Variants in SLC20A2 observed in about 807,000 individuals in gnomAD.
SLC20A2 encodes the protein sodium-dependent phosphate transporter 2.
Under a neutral mutation model 61.0 loss-of-function variants are expected in SLC20A2, and 30 were observed. The observed-to-expected ratio is 0.49, with a 90% CI of 0.37 to 0.67. The LOEUF (loss-of-function observed/expected upper bound fraction) is 0.67. SLC20A2 is among the 30% of genes least tolerant of loss of function. SLC20A2 has a pLI of 0.00. For synonymous variants in SLC20A2, 351 were observed against 353.3 expected, an observed-to-expected ratio of 0.99 and a Z score of 0.07; for missense variants, 626 against 866.4, an observed-to-expected ratio of 0.72 and a Z score of 3.48.
In SLC20A2 at chr8:42,483,048, TAAAG is replaced by T. The variant is rs374167447; in HGVS notation, c.-264-10398_-264-10395del. On this transcript the variant is annotated intron_variant, in intron 1 of 10. Coordinates refer to ENST00000520262, the MANE Select transcript of SLC20A2 (RefSeq NM_001257180.2). Reference sequence around the variant, plus strand: ...GCAACAAGAGCAAAACTCAGTCTCTTAAAGAAAAACAACTGGGCTGGGCACAGTG... The same window carrying T: ...GCAACAAGAGCAAAACTCAGTCTCTTAAAAACAACTGGGCTGGGCACAGTG... 1.3e-4 allele frequency among the ~76,000 whole-genome samples: 17 copies of T among 128,616 alleles called. 1 individual carries two copies. The highest frequency in any genetic ancestry group is 5.1e-4 in the African/African-American group (17 of 33,246). 84.4% of individuals were successfully genotyped at this position (128,616 alleles called of 152,430 possible). A position where few individuals can be genotyped will look rare whatever the true frequency, so the allele number is the denominator to read the frequency against.
At chr8:42,466,739 G>A (rs973795498) in intron 2 of SLC20A2, among the ~76,000 whole-genome samples, 2 of 152,036 alleles carry the variant, frequency 1.3e-5, no homozygotes, top group Non-Finnish European at 2.9e-5. Context: ...CAAAATCATG[G>A]CTCACTGCAG....
intron 1 of SLC20A2, among the ~76,000 whole-genome samples, chr8:42,515,747 C>A (rs530762858): frequency 6.6e-6 from 1 of 152,236 alleles, no homozygotes; most frequent in East Asian, 1.9e-4. Flanking sequence ...TGTCTTAGAA[C>A]AGGGGTCTAA....
chr8:42,478,084 C>T (rs1378390875), intron 1 of SLC20A2, among the ~76,000 whole-genome samples: 4 of 151,944 alleles, frequency 2.6e-5, no homozygotes, highest in Non-Finnish European at 4.4e-5. Context: ...CACGGTTTCA[C>T]TATGTTGGCC....
intron 1 of SLC20A2, among the ~76,000 whole-genome samples, chr8:42,517,364 G>T: frequency 1.9e-5 from 2 of 107,720 alleles, no homozygotes; most frequent in Non-Finnish European, 3.9e-5. Flanking sequence ...GTGAGATCCT[G>T]TCTCAAAAAA....
At chr8:42,438,085 A>AAAAAAAAAC (rs1401813867) in intron 7 of SLC20A2, among the ~76,000 whole-genome samples, 2 of 149,244 alleles carry the variant, frequency 1.3e-5, no homozygotes, top group Non-Finnish European at 3.0e-5. Context: ...AAAAAAAAAA[A>AAAAAAAAAC]AAAACATGGA....
Position 42,476,863 on chromosome 8 carries a change from C to T in SLC20A2, c.-264-4209G>A, listed in dbSNP as rs148298453. Among the ~76,000 whole-genome samples, 125 of 152,336 alleles carry T rather than the reference C, an allele frequency of 8.2e-4. 1 individual carries two copies. The highest frequency in any genetic ancestry group is 1.4e-3 in the Non-Finnish European group (97 of 68,032). ...GGGCAACGAGCACAAGACCTGCAGT[C>T]GGGGACTCTAGGTCCATTCCCGTCC... is the stretch of plus-strand genomic sequence containing the variant. On this transcript the variant is annotated intron_variant, in intron 1 of 10. Coordinates refer to ENST00000520262, the MANE Select transcript of SLC20A2 (RefSeq NM_001257180.2).
intron 1 of SLC20A2, among the ~76,000 whole-genome samples, chr8:42,528,535 T>C (rs1471912289): frequency 6.6e-6 from 1 of 152,128 alleles, no homozygotes; most frequent in Non-Finnish European, 1.5e-5. Flanking sequence ...GGGGAAATAT[T>C]TGAAAAGGCA....
At chr8:42,485,961 G>C (rs1039139287) in intron 1 of SLC20A2, among the ~76,000 whole-genome samples, 8 of 142,690 alleles carry the variant, frequency 5.6e-5, no homozygotes, top group Non-Finnish European at 1.1e-4. Context: ...AAAAAAAAAA[G>C]AAAACTTGGG....
At chr8:42,496,762 C>T (rs1261097176) in intron 1 of SLC20A2, among the ~76,000 whole-genome samples, 1 of 152,186 alleles carries the variant, frequency 6.6e-6, no homozygotes, top group African/African-American at 2.4e-5. Flanking sequence ...TATGTTGCTT[C>T]CTGCTCCTAG....
intron 7 of SLC20A2, among the ~76,000 whole-genome samples, chr8:42,438,920 T>C (rs1440263825): frequency 1.3e-5 from 2 of 152,194 alleles, no homozygotes; most frequent in Admixed American, 1.3e-4. Context: ...TTTCACCATG[T>C]TGGTCAGGCT....
intron 5 of SLC20A2, among the ~76,000 whole-genome samples, chr8:42,452,847 C>T (rs117534922): frequency 2.0e-5 from 3 of 152,034 alleles, no homozygotes; most frequent in Admixed American, 6.6e-5. Context: ...CTGGTGGAAA[C>T]GAGTGAGCAA....
rs1457478379 is a variant in SLC20A2, at chr8:42,437,626, T to C, written c.935-49A>G. On this transcript the variant is annotated intron_variant, in intron 7 of 10. Coordinates refer to ENST00000520262, the MANE Select transcript of SLC20A2 (RefSeq NM_001257180.2). This position sits in a 1 kb window ranked among gnomAD's most constrained non-coding sequence, Gnocchi z 6.4. ...CATTTTCCAGTCTTTTTTTTTTTTT[T>C]CTTTTCTTTTTGAGACGGAGCCTTG... 2.2e-6 allele frequency: 3 copies of C among 1,385,568 alleles called. No individual in the cohort carries two copies. The highest frequency in any genetic ancestry group is 2.9e-6 in the Non-Finnish European group (3 of 1,029,800). The allele number at this position is 1,385,568 out of a possible 1,614,324, so 85.8% of individuals were successfully genotyped here.
At position 42,472,441 on chromosome 8, in the gene SLC20A2, A is replaced by C; in HGVS notation, c.-51T>G. The C allele has an allele frequency of 1.3e-6, 2 of 1,556,716 alleles. No individual in the cohort carries two copies. Among genetic ancestry groups the C allele is most frequent in the Non-Finnish European group, 8.8e-7 (1 of 1,141,138 alleles). On this transcript the variant is annotated 5_prime_UTR_variant, in exon 2 of 11. Transcript: ENST00000520262. The surrounding 1 kb of genome is among the most constrained non-coding windows in gnomAD (Gnocchi z 4.1). Reference sequence around the variant, plus strand: ...TTCTTTTGCAGGAATATTTTAAATAAACAAAGCTTGAGGTTATAAACTTCG... The same window carrying C: ...TTCTTTTGCAGGAATATTTTAAATACACAAAGCTTGAGGTTATAAACTTCG...
intron 6 of SLC20A2, among the ~76,000 whole-genome samples, chr8:42,443,989 G>A (rs375575736): frequency 2.6e-5 from 4 of 152,136 alleles, no homozygotes; most frequent in African/African-American, 4.8e-5. Context: ...CTATTGCTGC[G>A]TGGTCGTCCA....
At chr8:42,442,943 T>C (rs900636551) in intron 6 of SLC20A2, among the ~76,000 whole-genome samples, 1 of 152,062 alleles carries the variant, frequency 6.6e-6, no homozygotes, top group African/African-American at 2.4e-5. Context: ...TTTTTGAGAG[T>C]TCTGTAAAAA....
intron 10 of SLC20A2, among the ~76,000 whole-genome samples, chr8:42,427,308 C>T (rs976932023): frequency 9.9e-5 from 15 of 152,242 alleles, no homozygotes; most frequent in Non-Finnish European, 1.8e-4. Context: ...TGGCCATGGT[C>T]GGGCACCACA....
chr8:42,462,616 C>A (rs1340961828), intron 4 of SLC20A2, among the ~76,000 whole-genome samples: 6 of 151,596 alleles, frequency 4.0e-5, no homozygotes, highest in Non-Finnish European at 7.4e-5. Flanking sequence ...GGGAACACAC[C>A]TTCACATTTG....
chr8:42,480,926 G>A (rs1157697478), intron 1 of SLC20A2, among the ~76,000 whole-genome samples: 1 of 152,142 alleles, frequency 6.6e-6, no homozygotes, highest in Non-Finnish European at 1.5e-5. Flanking sequence ...CTCCCAAAGT[G>A]CTGGGATTAC....
At position 42,428,694 on chromosome 8, in the gene SLC20A2, G is replaced by A. The variant is rs974591227; in HGVS notation, c.1794+64C>T. On this transcript the variant is annotated intron_variant, in intron 10 of 10. Coordinates refer to ENST00000520262, the MANE Select transcript of SLC20A2 (RefSeq NM_001257180.2). ...GAGCCCTACAGCTTCCCTTGCATGCGCTCCGGTGGCCCTGGACCTGTCCCA... is the reference window on the plus strand; with the variant it reads ...GAGCCCTACAGCTTCCCTTGCATGCACTCCGGTGGCCCTGGACCTGTCCCA... 76 of 1,432,070 alleles carry A rather than the reference G, an allele frequency of 5.3e-5. No individual in the cohort carries two copies. In the Middle Eastern group the frequency reaches 1.8e-3, roughly 33 times the overall value. The allele number at this position is 1,432,070 out of a possible 1,614,324, so 88.7% of individuals were successfully genotyped here. A position where few individuals can be genotyped will look rare whatever the true frequency, so the allele number is the denominator to read the frequency against.
Sources: gnomAD v4.1 joint callset for allele counts (sites outside exome capture counted in the v4.1 genomes callset) on GRCh38, gnomAD v4.1.1 for gene constraint, Gnocchi (gnomAD v3.1) non-coding constraint, MANE v1.5 for transcripts, NCBI Gene and HGNC (gene_info 2026-07-23, HGNC 2026-07-21) for gene names.